CSMD1: variants seen among roughly 807,000 people sequenced by gnomAD.
CSMD1 encodes CUB and sushi domain-containing protein 1.
A neutral mutation model predicts 417.5 loss-of-function variants in CSMD1; 213 were observed. The ratio of observed to expected loss-of-function variants is 0.51; its 90% CI spans 0.46 to 0.57. The LOEUF (loss-of-function observed/expected upper bound fraction) is 0.57, where lower values mean the gene tolerates loss of function less well. Ranked by LOEUF, CSMD1 falls within the 20% of genes least tolerant of loss-of-function variation. CSMD1 has a pLI of 0.00. For synonymous variants in CSMD1, 2,862 were observed against 1,736.8 expected, an observed-to-expected ratio of 1.65 and a Z score of -16.11; for missense variants, 6,923 against 4,529.7, an observed-to-expected ratio of 1.53 and a Z score of -15.17.
At position 4,220,042 on chromosome 8, in the gene CSMD1, C is replaced by G. The variant is rs561157449; in HGVS notation, c.416-187943G>C. Among the ~76,000 whole-genome samples, 38 of 152,200 alleles carry G rather than the reference C, an allele frequency of 2.5e-4. No individual in the cohort carries two copies. The East Asian group carries it at 6.6e-3, about 26-fold the overall frequency. ...TAGGCTGACTACAACCTCTGCCTCT[C>G]AGGTTTAAGCAATTCTCGTGCCTCA... On this transcript the variant is annotated intron_variant, in intron 3 of 69. Transcript: ENST00000635120.
Position 4,666,115 on chromosome 8 carries a change from C to G in CSMD1, c.86-28557G>C, listed in dbSNP as rs939212592. ...TAACGTTTCTGTGGTGACTGGGGGG[C>G]GCTGAGCATCTTCTGATGTGCCTGT... is the stretch of plus-strand genomic sequence containing the variant. On this transcript the variant is annotated intron_variant, in intron 1 of 69. Transcript: ENST00000635120. 2.2e-4 allele frequency among the ~76,000 whole-genome samples: 34 copies of G among 152,124 alleles called. No individual in the cohort carries two copies. The East Asian group carries it at 5.4e-3, about 24-fold the overall frequency.
intron 2 of CSMD1, among the ~76,000 whole-genome samples, chr8:4,537,634 T>G (rs888629649): frequency 6.6e-6 from 1 of 152,152 alleles, no homozygotes; most frequent in Non-Finnish European, 1.5e-5. Context: ...TCTATAAACA[T>G]TTCAAATTAA....
chr8:4,642,874 G>T (rs1031801784), intron 1 of CSMD1, among the ~76,000 whole-genome samples: 1 of 152,202 alleles, frequency 6.6e-6, no homozygotes, highest in Non-Finnish European at 1.5e-5. Context: ...GACTTAGAAA[G>T]ATGTGGACTA....
intron 9 of CSMD1, among the ~76,000 whole-genome samples, chr8:3,576,152 C>T (rs899159177): frequency 6.6e-6 from 1 of 152,012 alleles, no homozygotes; most frequent in African/African-American, 2.4e-5. Context: ...AAACTCAGCA[C>T]AACAGGACTT....
At chr8:3,852,318 G>C (rs1405344040) in intron 5 of CSMD1, among the ~76,000 whole-genome samples, 1 of 152,068 alleles carries the variant, frequency 6.6e-6, no homozygotes, top group Non-Finnish European at 1.5e-5. Context: ...GGGTTTGTAG[G>C]GAGCAAGGGA....
At position 3,492,835 on chromosome 8, in the gene CSMD1, T is replaced by C. The variant is rs114648478; in HGVS notation, c.1448+788A>G. 6.0e-3 allele frequency among the ~76,000 whole-genome samples: 904 copies of C among 151,458 alleles called. 9 individuals carry two copies. The highest frequency in any genetic ancestry group is 0.015 in the South Asian group (70 of 4,762). ...TACACTGAGTCACCCCCAACACTTT[T>C]CCCCCCCATGTCTGTTACTTTATTA... is the stretch of plus-strand genomic sequence containing the variant. On this transcript the variant is annotated intron_variant, in intron 11 of 69. Coordinates refer to ENST00000635120, the MANE Select transcript of CSMD1 (RefSeq NM_033225.6).
rs146132605 is a variant in CSMD1, at chr8:4,308,539, T to G, written c.415+111414A>C. Reference sequence around the variant, plus strand: ...AGAGACCCTGCTGTGTTTAGCAGAGTTGGACGTTGTCTTCGATATATCTTC... The same window carrying G: ...AGAGACCCTGCTGTGTTTAGCAGAGGTGGACGTTGTCTTCGATATATCTTC... On this transcript the variant is annotated intron_variant, in intron 3 of 69. Transcript: ENST00000635120. Among the ~76,000 whole-genome samples, 648 of 152,332 alleles carry G rather than the reference T, an allele frequency of 4.3e-3. 9 individuals are homozygous for G. The highest frequency in any genetic ancestry group is 9.1e-3 in the South Asian group (44 of 4,832).
At chr8:4,752,586 C>T (rs571064607) in intron 1 of CSMD1, among the ~76,000 whole-genome samples, 15 of 152,248 alleles carry the variant, frequency 9.9e-5, no homozygotes, top group Admixed American at 1.3e-4. Context: ...GAATTAAATG[C>T]ATGAGTGAAA....
At chr8:3,618,288 T>C (rs1284216866) in intron 7 of CSMD1, among the ~76,000 whole-genome samples, 1 of 152,156 alleles carries the variant, frequency 6.6e-6, no homozygotes, top group African/African-American at 2.4e-5. Context: ...TACAGACATG[T>C]GCAACCACAC....
intron 2 of CSMD1, among the ~76,000 whole-genome samples, chr8:4,444,460 C>A (rs1701814631): frequency 6.6e-6 from 1 of 150,914 alleles, no homozygotes; most frequent in South Asian, 2.1e-4. Flanking sequence ...AGAAAACCAC[C>A]TGAGGAAGAC....
chr8:3,972,525 C>A (rs918011217), intron 5 of CSMD1, among the ~76,000 whole-genome samples: 2 of 152,146 alleles, frequency 1.3e-5, no homozygotes, highest in South Asian at 4.1e-4. Context: ...GAATATGGTT[C>A]TCTGAATAAG....
chr8:3,728,028 C>A (rs1234122343), intron 6 of CSMD1, among the ~76,000 whole-genome samples: 2 of 152,130 alleles, frequency 1.3e-5, no homozygotes, highest in Non-Finnish European at 2.9e-5. Context: ...TGACTGTATT[C>A]AATGCCCCTG....
At chr8:4,362,694 GA>G (rs1404593827) in intron 3 of CSMD1, among the ~76,000 whole-genome samples, 1 of 152,232 alleles carries the variant, frequency 6.6e-6, no homozygotes, top group Non-Finnish European at 1.5e-5. Context: ...TGGGATGACT[GA>G]TAAGATTTGT....
intron 5 of CSMD1, among the ~76,000 whole-genome samples, chr8:3,988,024 C>G (rs1814466480): frequency 6.6e-6 from 1 of 152,204 alleles, no homozygotes; most frequent in Non-Finnish European, 1.5e-5. Flanking sequence ...TTACTTTCAA[C>G]ACACAGCTAT....
Position 3,685,344 on chromosome 8 carries a change from A to G in CSMD1, c.1009+23070T>C, listed in dbSNP as rs373680151. Among the ~76,000 whole-genome samples, 26 of 152,262 alleles carry G rather than the reference A, an allele frequency of 1.7e-4. 1 individual carries two copies. Among genetic ancestry groups the G allele is most frequent in the African/African-American group, 6.0e-4 (25 of 41,540 alleles). On this transcript the variant is annotated intron_variant, in intron 7 of 69. Coordinates refer to ENST00000635120, the MANE Select transcript of CSMD1 (RefSeq NM_033225.6). ...TGTAAAAATTTTTTGAATCTTCATT[A>G]CACATCATCAAACTGTTACCTAAAC...
At chr8:4,290,762 C>G (rs923855467) in intron 3 of CSMD1, among the ~76,000 whole-genome samples, 2 of 152,142 alleles carry the variant, frequency 1.3e-5, no homozygotes, top group Non-Finnish European at 2.9e-5. Flanking sequence ...TTTAGGATTT[C>G]TATTCTGTAA....
At chr8:2,982,589 C>T (rs1265357542) in intron 54 of CSMD1, among the ~76,000 whole-genome samples, 1 of 152,160 alleles carries the variant, frequency 6.6e-6, no homozygotes, top group African/African-American at 2.4e-5. Flanking sequence ...GATCACTGTT[C>T]CCGTGGCATG....
intron 2 of CSMD1, among the ~76,000 whole-genome samples, chr8:4,457,847 C>T (rs191048005): frequency 1.1e-4 from 17 of 152,024 alleles, no homozygotes; most frequent in Non-Finnish European, 2.1e-4. Flanking sequence ...CAGTGACTTC[C>T]GAGGCTTGGC....
At chr8:4,299,100 A>T (rs950070008) in intron 3 of CSMD1, among the ~76,000 whole-genome samples, 1 of 152,182 alleles carries the variant, frequency 6.6e-6, no homozygotes, top group African/African-American at 2.4e-5. Context: ...AGGAGGGAAG[A>T]AGGTGATAGA....
Sources: gnomAD v4.1 joint callset for allele counts (sites outside exome capture counted in the v4.1 genomes callset) on GRCh38, gnomAD v4.1.1 for gene constraint, MANE v1.5 for transcripts, NCBI Gene and HGNC (gene_info 2026-07-23, HGNC 2026-07-21) for gene names.